The following ITIH1 variants were observed in gnomAD, a reference collection of about 807,000 sequenced individuals.
The protein encoded by ITIH1 is inter-alpha-trypsin inhibitor heavy chain 1.
ITIH1 carries 94 observed loss-of-function variants against 104.6 expected under a neutral mutation model. The ratio of observed to expected loss-of-function variants is 0.90; its 90% CI spans 0.76 to 1.07. The LOEUF is 1.07. ITIH1 is among the 50% of genes least tolerant of loss of function. ITIH1 has a pLI of 0.00. For missense variants in ITIH1, 1,193 were observed against 1,181.4 expected (o/e 1.01, Z -0.14); for synonymous variants, 455 against 464.4 (o/e 0.98, Z 0.26).
intron 10 of ITIH1, 152 bp downstream of exon 10, chr3:52,783,491 A>C: frequency 2.6e-6 from 2 of 777,790 alleles, no homozygotes; most frequent in Non-Finnish European, 4.1e-6. Flanking sequence ...CACAGCTCAG[A>C]CCACAAAGTC....
chr3:52,784,289 C>T lies in ITIH1; in HGVS notation c.1226-7C>T. 6.2e-7 allele frequency: 1 copy of T among 1,610,828 alleles called. No homozygotes were observed. Among genetic ancestry groups the T allele is most frequent in the Non-Finnish European group, 8.5e-7 (1 of 1,178,338 alleles). ...ATCCCGTCACTACCCAGGTGTGTGG[C>T]TTGCAGGGGTGACGGACCGTTCCCA... On this transcript the variant is annotated splice_region_variant and splice_polypyrimidine_tract_variant and intron_variant, in intron 10 of 21. Transcript: ENST00000273283.
intron 5 of ITIH1, 132 bp from the exon 6 acceptor site, chr3:52,780,137 A>C: frequency 2.2e-6 from 2 of 929,820 alleles, no homozygotes; most frequent in Non-Finnish European, 3.2e-6. Flanking sequence ...GTGTGGTGTG[A>C]GCCTATAATC....
intron 19 of ITIH1, chr3:52,790,478 TA>T (rs1699324169): frequency 9.8e-6 from 4 of 406,614 alleles, no homozygotes; most frequent in Non-Finnish European, 1.8e-5. Context: ...GCAAGTTACT[TA>T]ACCTCTCTGA....
At chr3:52,780,105 C>A in intron 5 of ITIH1, 164 bp from the exon 6 acceptor site, 1 of 922,348 alleles carries the variant, frequency 1.1e-6, no homozygotes, top group South Asian at 1.8e-5. Flanking sequence ...TGAGTGGGAG[C>A]CCTGGTAGAG....
rs755917108 is a variant in ITIH1 at position 52,778,334 on chromosome 3, C to T, written c.139-6C>T. 6.2e-7 allele frequency: 1 copy of T among 1,614,156 alleles called. No homozygotes were observed. Among genetic ancestry groups the T allele is most frequent in the Non-Finnish European group, 8.5e-7 (1 of 1,179,970 alleles). On this transcript the variant is annotated splice_region_variant and splice_polypyrimidine_tract_variant and intron_variant, in intron 2 of 21. Coordinates refer to ENST00000273283, the MANE Select transcript of ITIH1 (RefSeq NM_002215.4). ...CAGGCCACAGCTCCTTCATGTCTCA[C>T]TTTAGGCTGTCGATGGCGTGTTCAT...
chr3:52,791,228 G>A (rs1699348277), intron 20 of ITIH1, among the ~76,000 whole-genome samples: 1 of 151,946 alleles, frequency 6.6e-6, no homozygotes, highest in Non-Finnish European at 1.5e-5. Context: ...CTGCTCCTGT[G>A]TGGCCTTTCT....
Position 52,779,689 on chromosome 3 carries a change from G to A in ITIH1, c.573+95G>A. ...GCACCCACCATGTGTCACCACCCAG[G>A]CCTGAGAACACAGGGATGGGGACTA... On this transcript the variant is annotated intron_variant, in intron 5 of 21. Transcript: ENST00000273283. This position sits in a 1 kb window ranked among gnomAD's most constrained non-coding sequence, Gnocchi z 4.4. 4 of 1,425,966 alleles carry A rather than the reference G, an allele frequency of 2.8e-6. No individual in the cohort carries two copies. Among genetic ancestry groups the A allele is most frequent in the Non-Finnish European group, 4.0e-6 (4 of 1,011,258 alleles). The allele number at this position is 1,425,966 out of a possible 1,614,324, so 88.3% of individuals were successfully genotyped here. A position where few individuals can be genotyped will look rare whatever the true frequency, so the allele number is the denominator to read the frequency against.
Position 52,787,597 on chromosome 3 carries a change from C to G in ITIH1, c.1909C>G (p.Leu637Val). The G allele has an allele frequency of 6.2e-7, 1 of 1,614,186 alleles. No homozygotes were observed. The highest frequency in any genetic ancestry group is 8.5e-7 in the Non-Finnish European group (1 of 1,180,004). Reference sequence around the variant, plus strand: ...TATGTCCTTGTCTTCTACAGAGATGCTGGGACCCAGAAGGAGTAAGTGGCA... The same window carrying G: ...TATGTCCTTGTCTTCTACAGAGATGGTGGGACCCAGAAGGAGTAAGTGGCA... ...PSEDSPPLEM[L>V]GPRRTFVLSA... The change falls in exon 16 of 22, where the codon CTG becomes GTG. Residue 637 changes from leucine (L) to valine (V), a missense_variant. Coordinates refer to ENST00000273283, the MANE Select transcript of ITIH1 (RefSeq NM_002215.4).
rs1699160726 is a variant in ITIH1 at position 52,784,960 on chromosome 3, T to C, written c.1408-84T>C. The C allele has an allele frequency of 4.3e-6, 6 of 1,394,962 alleles. No individual in the cohort carries two copies. In the South Asian group the frequency reaches 7.4e-5, roughly 17 times the overall value. 86.4% of individuals were successfully genotyped at this position (1,394,962 alleles called of 1,614,324 possible). ...TCAAATTCCTTCTCTAACTTGGGAA[T>C]TCCCAACACTCCACTTTGTGGGCAG... is the stretch of plus-strand genomic sequence containing the variant. On this transcript the variant is annotated intron_variant, in intron 11 of 21. Coordinates refer to ENST00000273283, the MANE Select transcript of ITIH1 (RefSeq NM_002215.4).
At chr3:52,788,101 T>C (rs1295133747) in intron 17 of ITIH1, 35 bp downstream of exon 17, 2 of 1,563,406 alleles carry the variant, frequency 1.3e-6, no homozygotes, top group East Asian at 2.2e-5. Context: ...GACACCCCTG[T>C]TTGGGACCCA....
rs1698998000 is a variant in ITIH1 at position 52,780,175 on chromosome 3, G to C, written c.574-94G>C. On this transcript the variant is annotated intron_variant, in intron 5 of 21. Coordinates refer to ENST00000273283, the MANE Select transcript of ITIH1 (RefSeq NM_002215.4). ...AGCTACGTGGGAGGCTGAGGCAGGA[G>C]GACGGCTTGAGCCCAGGAGTTTGAG... The C allele has an allele frequency of 6.5e-6, 7 of 1,069,908 alleles. No individual in the cohort carries two copies. The South Asian group carries it at 1.1e-4, about 16-fold the overall frequency. 66.3% of individuals were successfully genotyped at this position (1,069,908 alleles called of 1,614,324 possible).
chr3:52,788,375 A>C, intron 18 of ITIH1, 30 bp downstream of exon 18: 1 of 1,372,372 alleles, frequency 7.3e-7, no homozygotes, highest in South Asian at 1.2e-5. Context: ...TCTGCCAGAC[A>C]GGGCCAGGGC....
chr3:52,779,775 C>T lies in ITIH1; in HGVS notation c.573+181C>T, dbSNP rs1698990562. The T allele has an allele frequency of 4.8e-6, 5 of 1,045,976 alleles. No homozygotes were observed. In the Admixed American group the frequency reaches 1.3e-4, roughly 27 times the overall value. 64.8% of individuals were successfully genotyped at this position (1,045,976 alleles called of 1,614,324 possible). ...GCAGGGAACTCCCTGAATTCTCTAA[C>T]TTCCTCTTTATCTCTGAGCTTCGGT... On this transcript the variant is annotated intron_variant, in intron 5 of 21. Coordinates refer to ENST00000273283, the MANE Select transcript of ITIH1 (RefSeq NM_002215.4). This position sits in a 1 kb window ranked among gnomAD's most constrained non-coding sequence, Gnocchi z 4.4.
rs752390263 is a variant in ITIH1, at chr3:52,785,223, C to A, written c.1587C>A (p.Ala529=). ...GCAGCTTCAAGGCTGATGTGCAGGCCCATGGGGTAAATGGTGGGCCATGGA... is the reference window on the plus strand; with the variant it reads ...GCAGCTTCAAGGCTGATGTGCAGGCACATGGGGTAAATGGTGGGCCATGGA... ...KQSSFKADVQ[A]HGEGQEFSIT... is the part of the protein sequence containing the mutation. Residue 529 remains alanine, a synonymous_variant, in exon 12 of 22, where the codon GCC becomes GCA. Transcript: ENST00000273283. 2 of 1,613,976 alleles carry A rather than the reference C, an allele frequency of 1.2e-6. No individual in the cohort carries two copies.
rs766149805 is a variant in ITIH1 at position 52,778,430 on chromosome 3, A to G, written c.229A>G (p.Asn77Asp). ...AHYVVTSQVV[N>D]TANEAREVAF... ...CTATGTTGTCACCAGCCAAGTGGTCAACACTGCCAATGAAGCCAGGGAAGT... is the reference window on the plus strand; with the variant it reads ...CTATGTTGTCACCAGCCAAGTGGTCGACACTGCCAATGAAGCCAGGGAAGT... Residue 77 changes from asparagine (N) to aspartate (D), a missense_variant, in exon 3 of 22, where the codon AAC becomes GAC. Physicochemically the swap from Asn to Asp is conservative, Grantham distance 23. Coordinates refer to ENST00000273283, the MANE Select transcript of ITIH1 (RefSeq NM_002215.4). 7.4e-6 allele frequency: 12 copies of G among 1,614,100 alleles called. No individual in the cohort carries two copies. The East Asian group carries it at 1.6e-4, about 21-fold the overall frequency.
chr3:52,778,270 C>G, intron 2 of ITIH1, 70 bp from the exon 3 acceptor site: 1 of 1,504,694 alleles, frequency 6.6e-7, no homozygotes, highest in Non-Finnish European at 9.2e-7. Flanking sequence ...GCCAAGTCCC[C>G]GTACCACAGG....
Position 52,790,773 on chromosome 3 carries a change from G to A in ITIH1, c.2346G>A (p.Lys782=). The A allele has an allele frequency of 6.2e-7, 1 of 1,612,944 alleles. No individual in the cohort carries two copies. Among genetic ancestry groups the A allele is most frequent in the South Asian group, 1.1e-5 (1 of 90,814 alleles). Residue 782 remains lysine (K), a synonymous_variant, in exon 20 of 22, where the codon AAG becomes AAA. Coordinates refer to ENST00000273283, the MANE Select transcript of ITIH1 (RefSeq NM_002215.4). ...GGGTGGTGGTGACCATCAACAAGAA[G>A]AGGAACCTGGTGGTGTCTGTGGACG... ...QDGVVVTINK[K]RNLVVSVDDG...
rs374652222 is a variant in ITIH1 at position 52,778,036 on chromosome 3, A to G, written c.138+19A>G. 1.2e-6 allele frequency: 2 copies of G among 1,614,080 alleles called. No homozygotes were observed. Among genetic ancestry groups the G allele is most frequent in the African/African-American group, 2.7e-5 (2 of 75,052 alleles). ...GGACACCGTGAGTAAGAGTCCTGGC[A>G]AAGGGGTCTGTGACAGAGCCCTTTT... is the stretch of plus-strand genomic sequence containing the variant. On this transcript the variant is annotated intron_variant, in intron 2 of 21. Transcript: ENST00000273283.
At chr3:52,786,837 G>C (rs1254276045) in intron 13 of ITIH1, 108 bp from the exon 14 acceptor site, 2 of 1,256,444 alleles carry the variant, frequency 1.6e-6, no homozygotes, top group Non-Finnish European at 2.2e-6. Flanking sequence ...ATACTTATGT[G>C]TCGAATGAAT....
Sources: gnomAD v4.1 joint callset for allele counts (sites outside exome capture counted in the v4.1 genomes callset) on GRCh38, gnomAD v4.1.1 for gene constraint, Gnocchi (gnomAD v3.1) non-coding constraint, MANE v1.5 for transcripts, NCBI Gene and HGNC (gene_info 2026-07-23, HGNC 2026-07-21) for gene names.